The following TMEM132B variants were observed in gnomAD, a reference collection of about 807,000 sequenced individuals.
TMEM132B encodes transmembrane protein 132B.
A neutral mutation model predicts 90.8 loss-of-function variants in TMEM132B; 18 were observed. The ratio of observed to expected loss-of-function variants is 0.20; its 90% confidence interval spans 0.14 to 0.29. The LOEUF is 0.29. TMEM132B is among the 10% of genes least tolerant of loss of function. The probability of loss-of-function intolerance (pLI) is 1.00; values close to 1 mark genes in which losing one functional copy is unlikely to be tolerated. For synonymous variants in TMEM132B, 504 were observed against 523.3 expected (o/e 0.96, Z 0.50); for missense variants, 1,096 against 1,326.8 (o/e 0.83, Z 2.70).
intron 2 of TMEM132B, among the ~76,000 whole-genome samples, chr12:125,404,431 G>C (rs1053545476): frequency 6.6e-6 from 1 of 152,176 alleles, no homozygotes; most frequent in Non-Finnish European, 1.5e-5. Context: ...ATCCTGGCTG[G>C]AGACTTAGGG....
At chr12:125,379,211 G>C (rs915316907) in intron 2 of TMEM132B, among the ~76,000 whole-genome samples, 1 of 152,206 alleles carries the variant, frequency 6.6e-6, no homozygotes, top group Admixed American at 6.5e-5. Context: ...TGGCAAGGGG[G>C]AATTGAGGTT....
At chr12:125,345,363 A>G (rs1368277124) in intron 1 of TMEM132B, among the ~76,000 whole-genome samples, 1 of 152,144 alleles carries the variant, frequency 6.6e-6, no homozygotes, top group East Asian at 1.9e-4. Flanking sequence ...CCCATGTTGT[A>G]GCAGGTTCAC....
intron 1 of TMEM132B, among the ~76,000 whole-genome samples, chr12:125,198,175 A>G (rs1872973067): frequency 1.3e-5 from 2 of 152,212 alleles, no homozygotes; most frequent in African/African-American, 2.4e-5. Flanking sequence ...TAAGTTTCCA[A>G]TGTGATGCTG....
intron 3 of TMEM132B, among the ~76,000 whole-genome samples, chr12:125,449,086 C>A (rs1881082712): frequency 6.6e-6 from 1 of 151,566 alleles, no homozygotes; most frequent in Non-Finnish European, 1.5e-5. Flanking sequence ...TCTGCCTCAG[C>A]CTCCTGAGTA....
intron 5 of TMEM132B, among the ~76,000 whole-genome samples, chr12:125,601,392 A>G (rs529297595): frequency 2.0e-5 from 3 of 152,210 alleles, no homozygotes; most frequent in Admixed American, 1.3e-4. Context: ...TAAAGATAGA[A>G]ATCAAGAAGT....
At chr12:125,461,165 G>C (rs1288018036) in intron 3 of TMEM132B, among the ~76,000 whole-genome samples, 1 of 152,230 alleles carries the variant, frequency 6.6e-6, no homozygotes, top group Non-Finnish European at 1.5e-5. Context: ...AGGAGAGCCA[G>C]AGCTGGGAGC....
At chr12:125,264,874 T>C (rs1197036447) in intron 1 of TMEM132B, among the ~76,000 whole-genome samples, 3 of 152,220 alleles carry the variant, frequency 2.0e-5, no homozygotes, top group Admixed American at 2.0e-4. Flanking sequence ...CGAAATTCAT[T>C]TATTTTTTGA....
intron 5 of TMEM132B, among the ~76,000 whole-genome samples, chr12:125,604,085 C>G (rs1170856723): frequency 6.6e-6 from 1 of 152,162 alleles, no homozygotes; most frequent in African/African-American, 2.4e-5. Flanking sequence ...ACCCAGCAAT[C>G]CCATTACTGG....
At chr12:125,404,998 G>A (rs1273148414) in intron 2 of TMEM132B, among the ~76,000 whole-genome samples, 6 of 152,246 alleles carry the variant, frequency 3.9e-5, no homozygotes, top group South Asian at 2.1e-4. Context: ...GTAGCACTCC[G>A]TCTGTGCCAG....
intron 2 of TMEM132B, among the ~76,000 whole-genome samples, chr12:125,380,058 TTTCA>T (rs1272203659): frequency 6.6e-6 from 1 of 152,196 alleles, no homozygotes; most frequent in Non-Finnish European, 1.5e-5. Context: ...TTCCTAGGGC[TTTCA>T]TAACAAATTG....
chr12:125,404,997 C>T (rs563887993), intron 2 of TMEM132B, among the ~76,000 whole-genome samples: 14 of 152,328 alleles, frequency 9.2e-5, no homozygotes, highest in South Asian at 2.1e-4. Context: ...TGTAGCACTC[C>T]GTCTGTGCCA....
intron 6 of TMEM132B, among the ~76,000 whole-genome samples, chr12:125,645,163 A>T (rs145072374): frequency 0.011 from 1,605 of 143,042 alleles, 11 homozygotes; most frequent in Non-Finnish European, 0.018. Context: ...GCTTGCAGTG[A>T]GCCGAGATCT....
At chr12:125,476,097 G>GT (rs1408423812) in intron 3 of TMEM132B, among the ~76,000 whole-genome samples, 1 of 152,176 alleles carries the variant, frequency 6.6e-6, no homozygotes, top group Non-Finnish European at 1.5e-5. Context: ...AAAATTGGAT[G>GT]TATGAGTCTG....
intron 1 of TMEM132B, among the ~76,000 whole-genome samples, chr12:125,341,563 A>G (rs2136221232): frequency 6.6e-6 from 1 of 152,288 alleles, no homozygotes; most frequent in African/African-American, 2.4e-5. Context: ...ACTTGCTGGC[A>G]CATGATCCAA....
At position 125,656,510 on chromosome 12, in the gene TMEM132B, G is replaced by T. The variant is rs186321963; in HGVS notation, c.*1800G>T. The T allele has an allele frequency of 6.6e-6, 1 of 152,376 alleles. No individual in the cohort carries two copies. Among genetic ancestry groups the T allele is most frequent in the East Asian group, 1.9e-4 (1 of 5,190 alleles). The allele number at this position is 152,376 out of a possible 1,614,324, so 9.4% of individuals were successfully genotyped here. On this transcript the variant is annotated 3_prime_UTR_variant, in exon 9 of 9. Coordinates refer to ENST00000682704, the MANE Select transcript of TMEM132B (RefSeq NM_001366854.1). ...GAACAGTGCTGAAATTGCAAGTGAT[G>T]TAGGCCTGACCTCCAGAGCCCAGCG...
intron 4 of TMEM132B, among the ~76,000 whole-genome samples, chr12:125,554,389 C>T (rs1424019588): frequency 1.5e-5 from 2 of 137,198 alleles, no homozygotes; most frequent in South Asian, 2.4e-4. Flanking sequence ...AGTGCCACTG[C>T]ACTCTAGCCT....
At chr12:125,404,407 A>G (rs1344312933) in intron 2 of TMEM132B, among the ~76,000 whole-genome samples, 1 of 152,164 alleles carries the variant, frequency 6.6e-6, no homozygotes, top group Non-Finnish European at 1.5e-5. Flanking sequence ...ATATCTGGAG[A>G]AGAAGTGTTT....
intron 2 of TMEM132B, among the ~76,000 whole-genome samples, chr12:125,396,589 T>G (rs1879175442): frequency 6.6e-6 from 1 of 152,154 alleles, no homozygotes; most frequent in Non-Finnish European, 1.5e-5. Flanking sequence ...CATGGCTCAC[T>G]GCAGCCTTGA....
intron 1 of TMEM132B, among the ~76,000 whole-genome samples, chr12:125,300,415 C>G (rs1403625259): frequency 1.3e-5 from 2 of 152,132 alleles, no homozygotes; most frequent in African/African-American, 4.8e-5. Context: ...GAAGCTGAGC[C>G]AGCCCCCAAG....
Sources: allele counts gnomAD v4.1 joint callset (sites outside exome capture counted in the v4.1 genomes callset), GRCh38; gene constraint gnomAD v4.1.1; transcripts MANE v1.5; gene names NCBI Gene and HGNC (gene_info 2026-07-23, HGNC 2026-07-21).